NRXN1: variants seen among roughly 807,000 people sequenced by gnomAD.
The protein encoded by NRXN1 is neurexin-1.
Under a neutral mutation model 150.9 loss-of-function variants are expected in NRXN1, and 39 were observed. The observed-to-expected ratio is 0.26, with a 90% confidence interval of 0.20 to 0.34. The LOEUF is 0.34. Ranked by LOEUF, NRXN1 falls within the 10% of genes least tolerant of loss-of-function variation. The pLI is 1.00. For missense variants in NRXN1, 1,815 were observed against 1,949.9 expected (o/e 0.93, Z 1.30); for synonymous variants, 924 against 757.0 (o/e 1.22, Z -3.62).
chr2:50,711,061 G>A (rs1039207685), intron 5 of NRXN1, among the ~76,000 whole-genome samples: 9 of 152,130 alleles, frequency 5.9e-5, no homozygotes, highest in Non-Finnish European at 1.3e-4. Context: ...AGAAACTTCT[G>A]TGTACTTACT....
chr2:50,093,091 G>C (rs544248252), intron 18 of NRXN1, among the ~76,000 whole-genome samples: 1 of 145,362 alleles, frequency 6.9e-6, no homozygotes, highest in African/African-American at 2.6e-5. Flanking sequence ...AGAAAATAAT[G>C]CATGCTTACA....
chr2:50,805,670 T>C (rs1377684169), intron 5 of NRXN1, among the ~76,000 whole-genome samples: 1 of 152,058 alleles, frequency 6.6e-6, no homozygotes, highest in Non-Finnish European at 1.5e-5. Context: ...AAATAAAATA[T>C]TTTCCATTGA....
chr2:50,516,991 T>C (rs1159891888), intron 12 of NRXN1, among the ~76,000 whole-genome samples: 1 of 152,192 alleles, frequency 6.6e-6, no homozygotes, highest in Non-Finnish European at 1.5e-5. Flanking sequence ...ACCAACTATA[T>C]TGCATTTATT....
chr2:50,643,654 T>G (rs566373147), intron 5 of NRXN1, among the ~76,000 whole-genome samples: 15 of 152,064 alleles, frequency 9.9e-5, no homozygotes, highest in African/African-American at 3.4e-4. Context: ...TGTTAAGTAT[T>G]GTATCCTTTA....
intron 17 of NRXN1, among the ~76,000 whole-genome samples, chr2:50,431,674 A>T (rs1333169026): frequency 1.3e-5 from 2 of 152,218 alleles, no homozygotes; most frequent in African/African-American, 4.8e-5. Flanking sequence ...TAACACAGCC[A>T]TAGTACTCTT....
At chr2:50,387,243 G>C (rs549247634) in intron 17 of NRXN1, among the ~76,000 whole-genome samples, 1 of 152,282 alleles carries the variant, frequency 6.6e-6, no homozygotes, top group East Asian at 1.9e-4. Context: ...AGTAAAGCTA[G>C]AGTAATCTGC....
intron 17 of NRXN1, among the ~76,000 whole-genome samples, chr2:50,429,192 G>C (rs2084745678): frequency 6.6e-6 from 1 of 152,038 alleles, no homozygotes; most frequent in Admixed American, 6.6e-5. Context: ...CTGAGAGGTT[G>C]TTAAAAGTAT....
rs536921508 is a variant in NRXN1 at position 50,303,841 on chromosome 2, A to G, written c.3365-66871T>C. 2.6e-5 allele frequency among the ~76,000 whole-genome samples: 4 copies of G among 152,216 alleles called. No homozygotes were observed. In the East Asian group the frequency reaches 7.7e-4, roughly 29 times the overall value. On this transcript the variant is annotated intron_variant, in intron 17 of 22. Coordinates refer to ENST00000401669, the MANE Select transcript of NRXN1 (RefSeq NM_001330078.2). Reference sequence around the variant, plus strand: ...TCCTATGACCTACATAGTTCAGCATAATTAATAACTGGAAATTTTTGACCT... The same window carrying G: ...TCCTATGACCTACATAGTTCAGCATGATTAATAACTGGAAATTTTTGACCT...
At position 50,506,639 on chromosome 2, in the gene NRXN1, CATT is replaced by C. The variant is rs1558850561; in HGVS notation, c.2375-25_2375-23del. The C allele has an allele frequency of 3.1e-6, 5 of 1,609,924 alleles. No homozygotes were observed. In the Middle Eastern group the frequency reaches 5.0e-4, roughly 160 times the overall value. The stretch of plus-strand genomic sequence containing the variant: ...TTGCCTGTAGAATATGCCAAACAGT[CATT>C]ATGGACACTCAGAATCAGTCAAGCA... On this transcript the variant is annotated intron_variant, in intron 12 of 22. Transcript: ENST00000401669.
At chr2:50,376,963 T>TTTTC (rs1491431836) in intron 17 of NRXN1, among the ~76,000 whole-genome samples, 46 of 36,602 alleles carry the variant, frequency 1.3e-3, no homozygotes, top group African/African-American at 8.0e-3. Flanking sequence ...TTTTCTTTTC[T>TTTTC]TTTTTTTTTT....
intron 5 of NRXN1, among the ~76,000 whole-genome samples, chr2:50,786,449 A>G (rs1457991455): frequency 1.3e-5 from 2 of 152,124 alleles, no homozygotes; most frequent in Admixed American, 6.6e-5. Flanking sequence ...TTTTCTCAGC[A>G]CCTGCCAACA....
chr2:50,961,101 A>G (rs1359043386), intron 2 of NRXN1, among the ~76,000 whole-genome samples: 2 of 151,912 alleles, frequency 1.3e-5, no homozygotes, highest in Non-Finnish European at 2.9e-5. Flanking sequence ...ATAAGACTTT[A>G]AAGATTATAT....
intron 21 of NRXN1, among the ~76,000 whole-genome samples, chr2:50,043,786 C>T (rs762753482): frequency 6.6e-6 from 1 of 152,140 alleles, no homozygotes; most frequent in Non-Finnish European, 1.5e-5. Flanking sequence ...TGGCACAACA[C>T]ATAGAGACTC....
intron 19 of NRXN1, among the ~76,000 whole-genome samples, chr2:50,082,404 CA>C (rs1698103225): frequency 1.3e-5 from 2 of 152,042 alleles, no homozygotes; most frequent in Admixed American, 1.3e-4. Flanking sequence ...ACAATAATGG[CA>C]GACAAGAAGT....
chr2:50,910,996 C>T (rs1684434820), intron 5 of NRXN1, among the ~76,000 whole-genome samples: 1 of 151,992 alleles, frequency 6.6e-6, no homozygotes, highest in South Asian at 2.1e-4. Flanking sequence ...TGTCCCCTAT[C>T]ATCAAATCCC....
intron 5 of NRXN1, among the ~76,000 whole-genome samples, chr2:50,707,259 A>G (rs1290244465): frequency 1.3e-5 from 2 of 152,168 alleles, no homozygotes; most frequent in African/African-American, 4.8e-5. Context: ...GCTGTACAAA[A>G]GACATTCAGG....
intron 2 of NRXN1, among the ~76,000 whole-genome samples, chr2:50,941,229 T>A (rs539745775): frequency 6.6e-6 from 1 of 152,298 alleles, no homozygotes; most frequent in East Asian, 1.9e-4. Flanking sequence ...TTAAACTCTT[T>A]ATGAATTACC....
chr2:50,334,233 G>A (rs374540336), intron 17 of NRXN1, among the ~76,000 whole-genome samples: 1 of 123,548 alleles, frequency 8.1e-6, no homozygotes, highest in African/African-American at 3.8e-5. Context: ...ATTGTTTAAC[G>A]GGCCTCACGT....
intron 5 of NRXN1, among the ~76,000 whole-genome samples, chr2:50,646,244 C>T (rs1008999260): frequency 1.6e-4 from 25 of 152,046 alleles, no homozygotes; most frequent in Admixed American, 4.6e-4. Context: ...AAACAAAAGG[C>T]CGCTATTCTG....
Sources: allele counts gnomAD v4.1 joint callset (sites outside exome capture counted in the v4.1 genomes callset), GRCh38; gene constraint gnomAD v4.1.1; transcripts MANE v1.5; gene names NCBI Gene and HGNC (gene_info 2026-07-23, HGNC 2026-07-21).